MSRA: variants seen among roughly 807,000 people sequenced by gnomAD.
MSRA encodes mitochondrial peptide methionine sulfoxide reductase.
In MSRA, 54 loss-of-function variants were observed where a neutral mutation model predicts 31.3. The observed-to-expected ratio is 1.73, with a 90% confidence interval of 1.39 to 2.17. The LOEUF (loss-of-function observed/expected upper bound fraction) is 2.17. MSRA is among the 30% of genes most tolerant of loss of function. The pLI is 0.00. For missense variants in MSRA, 507 were observed against 300.9 expected (o/e 1.69, Z -5.07); for synonymous variants, 169 against 116.5 (o/e 1.45, Z -2.90).
At chr8:10,251,220 T>A (rs1047074317) in intron 3 of MSRA, among the ~76,000 whole-genome samples, 33 of 150,234 alleles carry the variant, frequency 2.2e-4, no homozygotes, top group Non-Finnish European at 4.2e-4. Flanking sequence ...TTTTTTTTTT[T>A]AAGTTTGACT....
chr8:10,265,928 C>T (rs1437659688), intron 3 of MSRA, among the ~76,000 whole-genome samples: 1 of 152,228 alleles, frequency 6.6e-6, no homozygotes, highest in African/African-American at 2.4e-5. Context: ...GTTCTCGGAT[C>T]AGCAGTTCAC....
chr8:10,251,868 G>GC (rs386412048), intron 3 of MSRA, among the ~76,000 whole-genome samples: 1 of 151,768 alleles, frequency 6.6e-6, no homozygotes, highest in African/African-American at 2.4e-5. Context: ...TGGTGGGGGG[G>GC]GGGGGACATA....
chr8:10,188,064 A>G (rs567181732), intron 1 of MSRA, among the ~76,000 whole-genome samples: 2 of 152,356 alleles, frequency 1.3e-5, no homozygotes, highest in Non-Finnish European at 2.9e-5. Context: ...TAAAAAAAAT[A>G]CTTCTTTTGA....
chr8:10,361,013 C>T (rs1804815515), intron 5 of MSRA, among the ~76,000 whole-genome samples: 1 of 152,202 alleles, frequency 6.6e-6, no homozygotes, highest in Non-Finnish European at 1.5e-5. Context: ...AAGCAGTTTT[C>T]AACCCGATAA....
intron 3 of MSRA, among the ~76,000 whole-genome samples, chr8:10,260,421 A>G (rs527253947): frequency 6.6e-6 from 1 of 152,278 alleles, no homozygotes; most frequent in African/African-American, 2.4e-5. Flanking sequence ...ACAGAGGAGG[A>G]GGAAGCGGGG....
chr8:10,385,112 T>C (rs994956711), intron 5 of MSRA, among the ~76,000 whole-genome samples: 1 of 151,988 alleles, frequency 6.6e-6, no homozygotes, highest in Non-Finnish European at 1.5e-5. Flanking sequence ...TGGGAGTTCA[T>C]AGGTAAGGAG....
chr8:10,152,766 G>A (rs1803818714), intron 1 of MSRA, among the ~76,000 whole-genome samples: 1 of 152,192 alleles, frequency 6.6e-6, no homozygotes, highest in Admixed American at 6.5e-5. Flanking sequence ...CGTGCCCGTT[G>A]ACAGGTGAAC....
At chr8:10,261,910 T>C (rs1235353645) in intron 3 of MSRA, among the ~76,000 whole-genome samples, 1 of 152,192 alleles carries the variant, frequency 6.6e-6, no homozygotes, top group Non-Finnish European at 1.5e-5. Context: ...TTTTTACCTT[T>C]GATAGTTCCG....
chr8:10,296,271 G>T (rs74987833), intron 3 of MSRA, among the ~76,000 whole-genome samples: 1 of 152,158 alleles, frequency 6.6e-6, no homozygotes, highest in African/African-American at 2.4e-5. Context: ...AGAAGGAGGC[G>T]TCCTTAAATC....
At chr8:10,324,253 A>G (rs575895354) in intron 5 of MSRA, among the ~76,000 whole-genome samples, 6 of 152,264 alleles carry the variant, frequency 3.9e-5, no homozygotes, top group African/African-American at 1.2e-4. Context: ...TTACATTTAT[A>G]TTTAAGTGGC....
At position 10,081,051 on chromosome 8, in the gene MSRA, A is replaced by G. The variant is rs948113053; in HGVS notation, c.142+26393A>G. Among the ~76,000 whole-genome samples, 9 of 152,342 alleles carry G rather than the reference A, an allele frequency of 5.9e-5. No individual in the cohort carries two copies. The South Asian group carries it at 1.7e-3, about 28-fold the overall frequency. On this transcript the variant is annotated intron_variant, in intron 1 of 5. Transcript: ENST00000317173. The stretch of plus-strand genomic sequence containing the variant: ...GCCTGGGCAGGATGTCACAACATGG[A>G]TTAAAATGGAGGCAGGGCAGGGCAG...
chr8:10,298,005 A>G (rs888067301), intron 3 of MSRA, among the ~76,000 whole-genome samples: 5 of 152,196 alleles, frequency 3.3e-5, no homozygotes, highest in Non-Finnish European at 7.3e-5. Flanking sequence ...AGCTCAGGTC[A>G]TAGTAGGAGG....
rs1008611579 is a variant in MSRA at position 10,246,822 on chromosome 8, AT to A, written c.331+1608del. The stretch of plus-strand genomic sequence containing the variant: ...AAACAAATATTTTAATGGTTATCCT[AT>A]TTTTTTTTAACTTCTGTTTCAAAAT... On this transcript the variant is annotated intron_variant, in intron 3 of 5. Coordinates refer to ENST00000317173, the MANE Select transcript of MSRA (RefSeq NM_012331.5). Among the ~76,000 whole-genome samples, 559 of 151,384 alleles carry A rather than the reference AT, an allele frequency of 3.7e-3. 1 individual carries two copies. The highest frequency in any genetic ancestry group is 0.011 in the African/African-American group (465 of 41,338).
intron 5 of MSRA, among the ~76,000 whole-genome samples, chr8:10,325,609 C>T (rs1269325430): frequency 6.6e-6 from 1 of 152,126 alleles, no homozygotes. Flanking sequence ...GTTGATATAA[C>T]TGATAATACA....
intron 1 of MSRA, among the ~76,000 whole-genome samples, chr8:10,125,618 G>A (rs17151142): frequency 0.2 from 30,426 of 152,132 alleles, 4,062 homozygotes; most frequent in East Asian, 0.56. Flanking sequence ...TGCAGGTATA[G>A]CGGGAACCAC....
chr8:10,233,565 A>T (rs1811679925), intron 2 of MSRA, among the ~76,000 whole-genome samples: 2 of 152,220 alleles, frequency 1.3e-5, no homozygotes, highest in South Asian at 4.1e-4. Context: ...CCATACCTGG[A>T]ACTCTTAGAT....
intron 1 of MSRA, among the ~76,000 whole-genome samples, chr8:10,137,073 T>C (rs1802336186): frequency 6.6e-6 from 1 of 152,192 alleles, no homozygotes; most frequent in African/African-American, 2.4e-5. Flanking sequence ...AAAAATTCGC[T>C]TCCATCCTCA....
intron 3 of MSRA, among the ~76,000 whole-genome samples, chr8:10,287,313 T>A (rs4841310): frequency 6.6e-6 from 1 of 152,010 alleles, no homozygotes; most frequent in Non-Finnish European, 1.5e-5. Context: ...TTGGCCTCAT[T>A]GAGGCTTAGT....
intron 2 of MSRA, among the ~76,000 whole-genome samples, 167 bp downstream of exon 2, chr8:10,208,068 G>T (rs1462069396): frequency 2.0e-5 from 3 of 152,164 alleles, no homozygotes; most frequent in African/African-American, 7.2e-5. Flanking sequence ...TCTGGGGTTG[G>T]AAAAGCTTAT....
Sources: allele counts gnomAD v4.1 joint callset (sites outside exome capture counted in the v4.1 genomes callset), GRCh38; gene constraint gnomAD v4.1.1; transcripts MANE v1.5; gene names NCBI Gene and HGNC (gene_info 2026-07-23, HGNC 2026-07-21).